Variants in PELI2 observed in about 807,000 individuals in gnomAD.
PELI2 encodes E3 ubiquitin-protein ligase pellino homolog 2.
PELI2 carries 23 observed loss-of-function variants against 42.3 expected under a neutral mutation model. That is an observed-to-expected ratio of 0.54 (90% CI 0.39 to 0.77). PELI2 has a LOEUF of 0.77. Among genes scored for constraint, PELI2 ranks in the 30% least tolerant of loss-of-function variants. The pLI, the probability that PELI2 is intolerant of heterozygous loss-of-function variation, is 0.00. For missense variants in PELI2, 463 were observed against 553.2 expected (o/e 0.84, Z 1.64); for synonymous variants, 245 against 212.2 (o/e 1.15, Z -1.34).
intron 5 of PELI2, among the ~76,000 whole-genome samples, chr14:56,295,504 T>G (rs1211454895): frequency 6.6e-6 from 1 of 152,190 alleles, no homozygotes; most frequent in African/African-American, 2.4e-5. Context: ...AGGCCTGACA[T>G]CTTTCTCAAA....
At chr14:56,247,269 T>A (rs1385231397) in intron 2 of PELI2, among the ~76,000 whole-genome samples, 1 of 152,246 alleles carries the variant, frequency 6.6e-6, no homozygotes, top group Non-Finnish European at 1.5e-5. Context: ...ACCCAAGATT[T>A]ATCGTGTATA....
intron 1 of PELI2, among the ~76,000 whole-genome samples, chr14:56,158,478 A>C (rs147148271): frequency 6.6e-6 from 1 of 152,228 alleles, no homozygotes; most frequent in East Asian, 1.9e-4. Context: ...AGTAACTGGG[A>C]CTACAAGTGC....
Position 56,118,525 on chromosome 14 carries a change from C to T in PELI2, c.-136C>T. ...AGCAGCGGGACTGGCCGCCCCGCGCCCCCTTCGCCGCCGTGCCCTTCCCCG... is the reference window on the plus strand; with the variant it reads ...AGCAGCGGGACTGGCCGCCCCGCGCTCCCTTCGCCGCCGTGCCCTTCCCCG... On this transcript the variant is annotated 5_prime_UTR_variant, in exon 1 of 6. Transcript: ENST00000267460. The T allele has an allele frequency of 2.2e-6, 1 of 455,902 alleles. No individual in the cohort carries two copies. Among genetic ancestry groups the T allele is most frequent in the African/African-American group, 2.1e-5 (1 of 48,664 alleles). The allele number at this position is 455,902 out of a possible 1,614,324, so 28.2% of individuals were successfully genotyped here.
chr14:56,151,330 T>C (rs1884344095), intron 1 of PELI2, among the ~76,000 whole-genome samples: 1 of 152,238 alleles, frequency 6.6e-6, no homozygotes, highest in Non-Finnish European at 1.5e-5. Flanking sequence ...TCATTTTTGA[T>C]CCTCACTTAT....
At chr14:56,162,752 C>T (rs531112130) in intron 1 of PELI2, among the ~76,000 whole-genome samples, 1 of 152,298 alleles carries the variant, frequency 6.6e-6, no homozygotes, top group South Asian at 2.1e-4. Flanking sequence ...TCCCTTTTCT[C>T]CATGTCCTTG....
chr14:56,275,793 A>T (rs1359630180), intron 2 of PELI2, among the ~76,000 whole-genome samples: 1 of 152,202 alleles, frequency 6.6e-6, no homozygotes, highest in African/African-American at 2.4e-5. Flanking sequence ...CCCCTGGTGT[A>T]CACAGCAAGC....
intron 2 of PELI2, among the ~76,000 whole-genome samples, chr14:56,202,767 C>A (rs1886376294): frequency 6.6e-6 from 1 of 152,138 alleles, no homozygotes; most frequent in Admixed American, 6.6e-5. Context: ...TCTGTGAAGT[C>A]TTTTTGACAA....
chr14:56,141,550 A>T (rs1387311061), intron 1 of PELI2, among the ~76,000 whole-genome samples: 6 of 152,224 alleles, frequency 3.9e-5, no homozygotes, highest in African/African-American at 1.4e-4. Flanking sequence ...TGTGTAATTT[A>T]TAAAGAAAAG....
intron 2 of PELI2, among the ~76,000 whole-genome samples, chr14:56,228,128 A>C (rs547298250): frequency 2.6e-5 from 4 of 152,262 alleles, no homozygotes; most frequent in Non-Finnish European, 5.9e-5. Flanking sequence ...CCTGCCCTGT[A>C]AAACTTTCAT....
chr14:56,230,870 G>C (rs1887536043), intron 2 of PELI2, among the ~76,000 whole-genome samples: 1 of 152,148 alleles, frequency 6.6e-6, no homozygotes, highest in South Asian at 2.1e-4. Flanking sequence ...CACGTGCAGA[G>C]ACACACAGAG....
chr14:56,140,511 C>CA (rs1341646518), intron 1 of PELI2, among the ~76,000 whole-genome samples: 1 of 152,118 alleles, frequency 6.6e-6, no homozygotes, highest in Non-Finnish European at 1.5e-5. Flanking sequence ...CCTTTGAAAA[C>CA]AACTCCTGTT....
chr14:56,274,613 T>G (rs1296312002), intron 2 of PELI2, among the ~76,000 whole-genome samples: 1 of 152,210 alleles, frequency 6.6e-6, no homozygotes, highest in Admixed American at 6.5e-5. Context: ...CATGTTTGTT[T>G]TAGAGTCTGG....
At chr14:56,141,378 G>A (rs1013314287) in intron 1 of PELI2, among the ~76,000 whole-genome samples, 4 of 152,184 alleles carry the variant, frequency 2.6e-5, no homozygotes, top group Non-Finnish European at 2.9e-5. Context: ...GGCAAGATTG[G>A]CTGGCACGAG....
Position 56,299,579 on chromosome 14 carries a change from G to A in PELI2, c.*2413G>A, listed in dbSNP as rs1278716785. On this transcript the variant is annotated 3_prime_UTR_variant, in exon 6 of 6. Coordinates refer to ENST00000267460, the MANE Select transcript of PELI2 (RefSeq NM_021255.3). ...CCAGGCTCTTCTTGGCCACTTGTAG[G>A]AAGATCCCTTTACAATTTTGACTAA... 6.6e-6 allele frequency: 1 copy of A among 152,142 alleles called. No homozygotes were observed. Among genetic ancestry groups the A allele is most frequent in the East Asian group, 1.9e-4 (1 of 5,184 alleles). 9.4% of individuals were successfully genotyped at this position (152,142 alleles called of 1,614,324 possible).
At chr14:56,146,668 AC>A (rs1566605581) in intron 1 of PELI2, among the ~76,000 whole-genome samples, 1 of 152,036 alleles carries the variant, frequency 6.6e-6, no homozygotes, top group Non-Finnish European at 1.5e-5. Context: ...GGAATATAGT[AC>A]AAACTTGTGA....
Position 56,129,004 on chromosome 14 carries a change from G to A in PELI2, c.77+10267G>A, listed in dbSNP as rs150253917. The stretch of plus-strand genomic sequence containing the variant: ...AGAGTACCTGAAGGCACATCGAGAG[G>A]TTGAGGGGCTGAGAGGCTGAGGGAT... On this transcript the variant is annotated intron_variant, in intron 1 of 5. Coordinates refer to ENST00000267460, the MANE Select transcript of PELI2 (RefSeq NM_021255.3). Among the ~76,000 whole-genome samples the A allele has an allele frequency of 3.0e-4, 46 of 152,228 alleles. No individual in the cohort carries two copies. In the East Asian group the frequency reaches 8.3e-3, roughly 27 times the overall value.
rs184563671 is a variant in PELI2, at chr14:56,272,773, A to T, written c.208-6903A>T. Among the ~76,000 whole-genome samples, 32 of 152,322 alleles carry T rather than the reference A, an allele frequency of 2.1e-4. No homozygotes were observed. In the East Asian group the frequency reaches 6.0e-3, roughly 28 times the overall value. ...CTTTAAACACAAACAACCTCTTAACATACATTCAGGAGCACATAACACTTC... is the reference window on the plus strand; with the variant it reads ...CTTTAAACACAAACAACCTCTTAACTTACATTCAGGAGCACATAACACTTC... On this transcript the variant is annotated intron_variant, in intron 2 of 5. Transcript: ENST00000267460.
At chr14:56,234,800 G>C (rs1022426693) in intron 2 of PELI2, among the ~76,000 whole-genome samples, 17 of 151,892 alleles carry the variant, frequency 1.1e-4, no homozygotes, top group African/African-American at 4.1e-4. Flanking sequence ...GAGTGTATTT[G>C]CGCTAATCTG....
Position 56,273,954 on chromosome 14 carries a change from G to T in PELI2, c.208-5722G>T, listed in dbSNP as rs1378933295. ...GAGCCAACTTCTGTGAGAGTCTTTT[G>T]ACCTTCCTCTCACGTTGCAAGGTGG... On this transcript the variant is annotated intron_variant, in intron 2 of 5. Transcript: ENST00000267460. This position sits in a 1 kb window ranked among gnomAD's most constrained non-coding sequence, Gnocchi z 4.3. 6.6e-6 allele frequency among the ~76,000 whole-genome samples: 1 copy of T among 152,144 alleles called. No individual in the cohort carries two copies. The highest frequency in any genetic ancestry group is 6.5e-5 in the Admixed American group (1 of 15,272).
Sources: allele counts gnomAD v4.1 joint callset (sites outside exome capture counted in the v4.1 genomes callset), GRCh38; gene constraint gnomAD v4.1.1; non-coding constraint Gnocchi (gnomAD v3.1); transcripts MANE v1.5; gene names NCBI Gene and HGNC (gene_info 2026-07-23, HGNC 2026-07-21).